SLC35F4: variants seen among roughly 807,000 people sequenced by gnomAD.
SLC35F4 encodes the protein chromosome 14 open reading frame 36.
A neutral mutation model predicts 44.2 loss-of-function variants in SLC35F4; 24 were observed. The ratio of observed to expected loss-of-function variants is 0.54; its 90% CI spans 0.39 to 0.76. The LOEUF (loss-of-function observed/expected upper bound fraction) is 0.76. Among genes scored for constraint, SLC35F4 ranks in the 30% least tolerant of loss-of-function variants. The probability of loss-of-function intolerance (pLI) is 0.00; values close to 1 mark genes in which losing one functional copy is unlikely to be tolerated. For synonymous variants in SLC35F4, 238 were observed against 223.6 expected (o/e 1.06, Z -0.57); for missense variants, 562 against 586.1 (o/e 0.96, Z 0.42).
intron 4 of SLC35F4, among the ~76,000 whole-genome samples, chr14:57,575,248 T>G (rs1290934842): frequency 6.6e-6 from 1 of 151,988 alleles, no homozygotes; most frequent in Admixed American, 6.6e-5. Context: ...GAGGCCCAGG[T>G]GGGTGGATCA....
At chr14:57,622,868 T>C (rs1376561658) in intron 1 of SLC35F4, among the ~76,000 whole-genome samples, 1 of 151,814 alleles carries the variant, frequency 6.6e-6, no homozygotes, top group East Asian at 1.9e-4. Context: ...CCCACCAAAT[T>C]GTAAAGACTA....
intron 1 of SLC35F4, among the ~76,000 whole-genome samples, chr14:57,742,816 G>T (rs527758401): frequency 2.0e-5 from 3 of 152,192 alleles, no homozygotes; most frequent in East Asian, 3.9e-4. Context: ...TGACCACATA[G>T]TTGGAAGTAA....
chr14:57,569,815 G>C lies in SLC35F4; in HGVS notation c.1099C>G (p.Leu367Val), dbSNP rs1351112859. 2 of 1,609,492 alleles carry C rather than the reference G, an allele frequency of 1.2e-6. No individual in the cohort carries two copies. Among genetic ancestry groups the C allele is most frequent in the Non-Finnish European group, 1.7e-6 (2 of 1,178,116 alleles). ...SSFAALPWGC[L>V]CGMAGLWLAF... ...AGCCACAGCCCTGCCATCCCACAGAGACAGCCCCATGGCAGAGCAGCAAAA... is the reference window on the plus strand; with the variant it reads ...AGCCACAGCCCTGCCATCCCACAGACACAGCCCCATGGCAGAGCAGCAAAA... The change falls in exon 6 of 8, where the codon CTC becomes GTC. Residue 367 changes from leucine to valine, a missense_variant. Coordinates refer to ENST00000556826, the MANE Select transcript of SLC35F4 (RefSeq NM_001306087.2).
chr14:57,763,894 C>T (rs2077180135), intron 1 of SLC35F4, among the ~76,000 whole-genome samples: 1 of 152,146 alleles, frequency 6.6e-6, no homozygotes, highest in Non-Finnish European at 1.5e-5. Flanking sequence ...TAAACCTCAG[C>T]AGACTTTAGT....
rs951097758 is a variant in SLC35F4, at chr14:57,659,047, G to A, written c.104-64923C>T. Among the ~76,000 whole-genome samples, 3 of 152,274 alleles carry A rather than the reference G, an allele frequency of 2.0e-5. No homozygotes were observed. In the East Asian group the frequency reaches 5.8e-4, roughly 29 times the overall value. On this transcript the variant is annotated intron_variant, in intron 1 of 7. Coordinates refer to ENST00000556826, the MANE Select transcript of SLC35F4 (RefSeq NM_001306087.2). ...GGGCTCTCAGATATCATTGTCTAGG[G>A]AAGCCAAGACACTATCCCTAGTGGA...
At chr14:57,839,651 G>A (rs1885297269) in intron 1 of SLC35F4, among the ~76,000 whole-genome samples, 1 of 152,052 alleles carries the variant, frequency 6.6e-6, no homozygotes, top group Non-Finnish European at 1.5e-5. Flanking sequence ...TGGGGGCTAG[G>A]CTTAATACCT....
At chr14:57,946,476 T>C (rs1418097905) in intron 1 of SLC35F4, among the ~76,000 whole-genome samples, 2 of 138,920 alleles carry the variant, frequency 1.4e-5, no homozygotes, top group Non-Finnish European at 3.1e-5. Flanking sequence ...TTTCTTTTTT[T>C]TTTTTTTTTT....
chr14:57,604,787 C>T (rs1016492585), intron 1 of SLC35F4, among the ~76,000 whole-genome samples: 1 of 152,086 alleles, frequency 6.6e-6, no homozygotes, highest in East Asian at 1.9e-4. Context: ...GAATAGAGAA[C>T]CCAGAAATAG....
At position 57,569,960 on chromosome 14, in the gene SLC35F4, A is replaced by G. The variant is rs2068408728; in HGVS notation, c.954T>C (p.Leu318=). The G allele has an allele frequency of 2.5e-6, 4 of 1,607,690 alleles. No individual in the cohort carries two copies. Among genetic ancestry groups the G allele is most frequent in the Non-Finnish European group, 2.5e-6 (3 of 1,177,896 alleles). ...CAGCTTCCCCAAAGTTGGCACTTCC[A>G]AGAAACATTTTAAACAAGACCTGGA... is the stretch of plus-strand genomic sequence containing the variant. The part of the protein sequence containing the change: ...ALYKVLFKMF[L]GSANFGEAAH... Residue 318 remains leucine (L), a synonymous_variant, in exon 6 of 8, where the codon CTT becomes CTC. Coordinates refer to ENST00000556826, the MANE Select transcript of SLC35F4 (RefSeq NM_001306087.2).
At chr14:57,804,391 CA>C (rs1384823313) in intron 1 of SLC35F4, among the ~76,000 whole-genome samples, 1 of 152,016 alleles carries the variant, frequency 6.6e-6, no homozygotes, top group East Asian at 1.9e-4. Flanking sequence ...CTACAGTAAC[CA>C]AAAAAGCAAG....
chr14:57,735,222 T>C (rs1162626562), intron 1 of SLC35F4, among the ~76,000 whole-genome samples: 1 of 152,240 alleles, frequency 6.6e-6, no homozygotes, highest in African/African-American at 2.4e-5. Flanking sequence ...TTTCGACAGA[T>C]GTCCTACAGC....
At chr14:57,747,794 C>T (rs62003420) in intron 1 of SLC35F4, among the ~76,000 whole-genome samples, 5,259 of 152,228 alleles carry the variant, frequency 0.035, 133 homozygotes, top group South Asian at 0.059. Flanking sequence ...TAATTATATA[C>T]AAGTTAATTG....
chr14:57,810,697 T>TGCAGTATTTCAGA (rs1259905584), intron 1 of SLC35F4, among the ~76,000 whole-genome samples: 6 of 152,224 alleles, frequency 3.9e-5, no homozygotes, highest in Non-Finnish European at 7.3e-5. Flanking sequence ...TCATGGCCTA[T>TGCAGTATTTCAGA]GCAGTATTTC....
intron 1 of SLC35F4, among the ~76,000 whole-genome samples, chr14:57,926,999 A>C (rs1246468893): frequency 1.3e-5 from 2 of 152,212 alleles, no homozygotes; most frequent in Non-Finnish European, 2.9e-5. Context: ...CAGCCAAGTG[A>C]CCAGACTTAA....
intron 1 of SLC35F4, among the ~76,000 whole-genome samples, chr14:57,885,234 T>C (rs1434068732): frequency 6.6e-6 from 1 of 152,156 alleles, no homozygotes; most frequent in Non-Finnish European, 1.5e-5. Flanking sequence ...TGTGTCACCA[T>C]GGGCAAGTTC....
intron 1 of SLC35F4, among the ~76,000 whole-genome samples, chr14:57,925,519 G>GAGGGAGGGGGGAAGGAAGAAAGGAAGGA (rs1566931004): frequency 1.5e-5 from 1 of 65,268 alleles, no homozygotes; most frequent in African/African-American, 4.6e-5. Flanking sequence ...GGGAGGGAGG[G>GAGGGAGGGGGGAAGGAAGAAAGGAAGGA]AGGGAGGGAG....
At chr14:57,916,005 A>G (rs898973470) in intron 1 of SLC35F4, among the ~76,000 whole-genome samples, 3 of 152,186 alleles carry the variant, frequency 2.0e-5, no homozygotes, top group African/African-American at 7.2e-5. Flanking sequence ...CAATTGTTTT[A>G]GTTCGTTTTC....
upstream of SLC35F4, among the ~76,000 whole-genome samples, chr14:57,868,221 C>T (rs1888224359): frequency 6.6e-6 from 1 of 152,078 alleles, no homozygotes. Context: ...TTTAAAATAG[C>T]AAAGCACTTA....
At chr14:57,795,430 G>A (rs913752309) in intron 1 of SLC35F4, among the ~76,000 whole-genome samples, 1 of 152,082 alleles carries the variant, frequency 6.6e-6, no homozygotes, top group African/African-American at 2.4e-5. Context: ...TCAAGAGCTC[G>A]CCACCCAACA....
Sources: allele counts gnomAD v4.1 joint callset (sites outside exome capture counted in the v4.1 genomes callset), GRCh38; gene constraint gnomAD v4.1.1; transcripts MANE v1.5; gene names NCBI Gene and HGNC (gene_info 2026-07-23, HGNC 2026-07-21).